CNTN5: variants seen among roughly 807,000 people sequenced by gnomAD.
CNTN5 encodes the protein contactin-5.
Under a neutral mutation model 129.1 loss-of-function variants are expected in CNTN5, and 77 were observed. The ratio of observed to expected loss-of-function variants is 0.60; its 90% CI spans 0.50 to 0.72. CNTN5 has a LOEUF of 0.72. Ranked by LOEUF, CNTN5 falls within the 30% of genes least tolerant of loss-of-function variation. CNTN5 has a pLI of 0.00. For missense variants in CNTN5, 1,478 were observed against 1,328.8 expected (o/e 1.11, Z -1.75); for synonymous variants, 509 against 465.6 (o/e 1.09, Z -1.20).
chr11:99,917,243 G>C (rs952747906), intron 7 of CNTN5, among the ~76,000 whole-genome samples: 1 of 151,960 alleles, frequency 6.6e-6, no homozygotes, highest in Non-Finnish European at 1.5e-5. Context: ...TTGTTGAGTT[G>C]TACCACTCCA....
intron 18 of CNTN5, among the ~76,000 whole-genome samples, chr11:100,294,857 T>A (rs1388441328): frequency 2.6e-5 from 4 of 151,572 alleles, no homozygotes; most frequent in Non-Finnish European, 4.4e-5. Context: ...ACTCCATCAG[T>A]GCAGAGATAA....
rs1355460471 is a variant in CNTN5, at chr11:99,627,767, A to G, written c.55+71498A>G. 2.0e-5 allele frequency among the ~76,000 whole-genome samples: 3 copies of G among 151,962 alleles called. No individual in the cohort carries two copies. In the East Asian group the frequency reaches 5.8e-4, roughly 30 times the overall value. ...AATATCTGGGCCAGCCAGGCATTGA[A>G]AGGACAAGATCTGAAAGGATATAAA... On this transcript the variant is annotated intron_variant, in intron 3 of 24. Coordinates refer to ENST00000524871, the MANE Select transcript of CNTN5 (RefSeq NM_014361.4).
chr11:100,293,764 C>G (rs935864790), intron 18 of CNTN5, among the ~76,000 whole-genome samples: 3 of 151,628 alleles, frequency 2.0e-5, no homozygotes, highest in Non-Finnish European at 3.0e-5. Context: ...AAACCTTTAC[C>G]GTTTGTACAT....
intron 1 of CNTN5, among the ~76,000 whole-genome samples, chr11:99,200,837 A>G (rs189805202): frequency 1.3e-5 from 2 of 152,178 alleles, no homozygotes; most frequent in East Asian, 1.9e-4. Flanking sequence ...TAGCTAGATA[A>G]TATACCCTTG....
chr11:99,302,603 G>A (rs1864692406), intron 1 of CNTN5, among the ~76,000 whole-genome samples: 1 of 151,000 alleles, frequency 6.6e-6, no homozygotes, highest in Non-Finnish European at 1.5e-5. Context: ...CAGTGTAAAT[G>A]GTACATCCAC....
chr11:99,132,169 C>T (rs113096074), intron 1 of CNTN5, among the ~76,000 whole-genome samples: 10 of 150,356 alleles, frequency 6.7e-5, no homozygotes, highest in East Asian at 4.0e-4. Flanking sequence ...TCTCAATAGA[C>T]GCAGGAAAGG....
At position 99,200,794 on chromosome 11, in the gene CNTN5, C is replaced by T. The variant is rs1452640891; in HGVS notation, c.-209-124552C>T. ...ACACAGTCCAATCAAGGATCCCAAA[C>T]AGAATTGAACCCCAGAGGCCCACAG... On this transcript the variant is annotated intron_variant, in intron 1 of 24. Transcript: ENST00000524871. 2.0e-5 allele frequency among the ~76,000 whole-genome samples: 3 copies of T among 152,130 alleles called. No homozygotes were observed. In the East Asian group the frequency reaches 5.8e-4, roughly 29 times the overall value.
At chr11:99,830,150 G>T (rs1296924169) in intron 4 of CNTN5, among the ~76,000 whole-genome samples, 1 of 152,098 alleles carries the variant, frequency 6.6e-6, no homozygotes, top group Non-Finnish European at 1.5e-5. Context: ...TCTTCTGTTT[G>T]TCCTGATTCA....
At chr11:99,082,538 G>A (rs540566774) in intron 1 of CNTN5, among the ~76,000 whole-genome samples, 7 of 152,112 alleles carry the variant, frequency 4.6e-5, no homozygotes, top group African/African-American at 1.4e-4. Flanking sequence ...GGATTGAGAC[G>A]CTTTTCATTT....
chr11:99,556,144 G>GGGCA lies in CNTN5; in HGVS notation c.-70_-67dup. 2.4e-6 allele frequency: 2 copies of GGGCA among 836,228 alleles called. No individual in the cohort carries two copies. The highest frequency in any genetic ancestry group is 3.6e-6 in the Non-Finnish European group (2 of 551,418). The allele number at this position is 836,228 out of a possible 1,614,324, so 51.8% of individuals were successfully genotyped here. The stretch of plus-strand genomic sequence containing the variant: ...AGAAAATTGTTATCTATCTCAAACA[G>GGGCA]GGCACTCTTTAATGAAGAAACACCA... On this transcript the variant is annotated splice_region_variant and 5_prime_UTR_variant. Transcript: ENST00000524871.
chr11:99,051,428 G>A (rs1250077260), intron 1 of CNTN5, among the ~76,000 whole-genome samples: 4 of 151,812 alleles, frequency 2.6e-5, no homozygotes, highest in African/African-American at 9.7e-5. Context: ...TGAAAGTACA[G>A]CATTTATTTG....
chr11:99,970,690 T>C (rs1472918611), intron 8 of CNTN5, among the ~76,000 whole-genome samples: 1 of 152,102 alleles, frequency 6.6e-6, no homozygotes, highest in African/African-American at 2.4e-5. Context: ...GGTGCGGGGG[T>C]ATTGCAGTCA....
chr11:99,422,405 G>A (rs770434538), intron 2 of CNTN5, among the ~76,000 whole-genome samples: 8 of 150,894 alleles, frequency 5.3e-5, no homozygotes, highest in African/African-American at 1.2e-4. Context: ...CAGGGGAATC[G>A]TTTAGGTACT....
intron 3 of CNTN5, among the ~76,000 whole-genome samples, chr11:99,668,253 G>T (rs2135938031): frequency 6.6e-6 from 1 of 152,260 alleles, no homozygotes; most frequent in African/African-American, 2.4e-5. Flanking sequence ...TACCAAGGTA[G>T]CTGTGCAAGA....
chr11:100,031,682 G>T lies in CNTN5; in HGVS notation c.981-29530G>T, dbSNP rs541563264. On this transcript the variant is annotated intron_variant, in intron 9 of 24. Coordinates refer to ENST00000524871, the MANE Select transcript of CNTN5 (RefSeq NM_014361.4). ...CTGATTAATATCTTGCTAATCATAG[G>T]TTATGGAAAGACTGTTTCTGTTTTA... Among the ~76,000 whole-genome samples, 14 of 152,256 alleles carry T rather than the reference G, an allele frequency of 9.2e-5. No homozygotes were observed. The East Asian group carries it at 2.5e-3, about 27-fold the overall frequency.
chr11:99,994,347 G>A (rs896327518), intron 8 of CNTN5, among the ~76,000 whole-genome samples: 1 of 151,918 alleles, frequency 6.6e-6, no homozygotes, highest in Non-Finnish European at 1.5e-5. Context: ...TTAATAAAAA[G>A]AATACTAAAG....
intron 6 of CNTN5, among the ~76,000 whole-genome samples, chr11:99,877,186 A>G (rs1305630376): frequency 6.6e-6 from 1 of 152,218 alleles, no homozygotes; most frequent in Non-Finnish European, 1.5e-5. Flanking sequence ...TGTGAAAAAG[A>G]AACTTTATTT....
At chr11:99,130,675 A>G (rs1453919197) in intron 1 of CNTN5, among the ~76,000 whole-genome samples, 4 of 143,936 alleles carry the variant, frequency 2.8e-5, no homozygotes, top group Non-Finnish European at 4.6e-5. Context: ...TGAACTCCAC[A>G]TAGCACTTAC....
intron 21 of CNTN5, among the ~76,000 whole-genome samples, chr11:100,340,027 G>A (rs1335620939): frequency 6.6e-6 from 1 of 152,130 alleles, no homozygotes; most frequent in Non-Finnish European, 1.5e-5. Context: ...TACAGCTCGT[G>A]TGATTCATCT....
Sources: allele counts gnomAD v4.1 joint callset (sites outside exome capture counted in the v4.1 genomes callset), GRCh38; gene constraint gnomAD v4.1.1; transcripts MANE v1.5; gene names NCBI Gene and HGNC (gene_info 2026-07-23, HGNC 2026-07-21).